MBP: variants seen among roughly 807,000 people sequenced by gnomAD.
MBP encodes the protein myelin basic protein, also known as Golli-MBP.
A neutral mutation model predicts 35.8 loss-of-function variants in MBP; 16 were observed. That is an observed-to-expected ratio of 0.45 (90% CI 0.30 to 0.68). MBP has a LOEUF of 0.68. MBP is among the 30% of genes least tolerant of loss of function. The pLI, the probability that MBP is intolerant of heterozygous loss-of-function variation, is 0.08. For synonymous variants in MBP, 143 were observed against 159.6 expected, an observed-to-expected ratio of 0.90 and a Z score of 0.78; for missense variants, 380 against 404.7, an observed-to-expected ratio of 0.94 and a Z score of 0.52.
chr18:77,077,759 C>G (rs1301456407), intron 2 of MBP, among the ~76,000 whole-genome samples: 3 of 152,224 alleles, frequency 2.0e-5, no homozygotes, highest in Non-Finnish European at 4.4e-5. Flanking sequence ...CGGAACTACT[C>G]ATTAGGGTAA....
intron 1 of MBP, chr18:77,109,190 T>C (rs540721372): frequency 6.6e-6 from 1 of 152,316 alleles, no homozygotes; most frequent in East Asian, 1.9e-4. Context: ...CTATCACACA[T>C]GTTCAGAGAC....
At chr18:77,053,871 C>T (rs1160245724) in intron 3 of MBP, among the ~76,000 whole-genome samples, 1 of 152,248 alleles carries the variant, frequency 6.6e-6, no homozygotes, top group Non-Finnish European at 1.5e-5. Context: ...ATGTCCCTGC[C>T]TTCATGGGGC....
chr18:77,098,078 A>C (rs886340725), intron 2 of MBP, among the ~76,000 whole-genome samples: 1 of 150,918 alleles, frequency 6.6e-6, no homozygotes, highest in Admixed American at 6.6e-5. Flanking sequence ...TGAGCTCTTC[A>C]TACCCATCAC....
At chr18:77,111,932 C>T (rs981181720) in intron 1 of MBP, among the ~76,000 whole-genome samples, 3 of 152,124 alleles carry the variant, frequency 2.0e-5, no homozygotes, top group Admixed American at 6.5e-5. Context: ...ATAAATGAAA[C>T]CAAGTGACGG....
At chr18:76,997,083 A>G (rs1189004848) in intron 4 of MBP, among the ~76,000 whole-genome samples, 1 of 152,128 alleles carries the variant, frequency 6.6e-6, no homozygotes, top group Non-Finnish European at 1.5e-5. Context: ...TTGGGAAAAT[A>G]TAGCCTCTTT....
chr18:77,125,461 C>A (rs1977018149), intron 1 of MBP, among the ~76,000 whole-genome samples: 1 of 152,008 alleles, frequency 6.6e-6, no homozygotes, highest in Non-Finnish European at 1.5e-5. Flanking sequence ...GCAGAGACAG[C>A]CAATTCCCTC....
chr18:77,110,446 C>T (rs1048793250), intron 1 of MBP: 1 of 151,608 alleles, frequency 6.6e-6, no homozygotes, highest in Non-Finnish European at 1.5e-5. Flanking sequence ...GGGCAAAAAC[C>T]TATGACATAT....
chr18:77,038,913 T>C (rs1677055258), intron 3 of MBP, among the ~76,000 whole-genome samples: 1 of 152,224 alleles, frequency 6.6e-6, no homozygotes, highest in South Asian at 2.1e-4. Flanking sequence ...GTATGGAGGT[T>C]TGAATAATCA....
rs566217260 is a variant in MBP at position 77,044,782 on chromosome 18, G to A, written c.139+21516C>T. Among the ~76,000 whole-genome samples, 1 of 152,210 alleles carries A rather than the reference G, an allele frequency of 6.6e-6. No individual in the cohort carries two copies. The highest frequency in any genetic ancestry group is 1.5e-5 in the Non-Finnish European group (1 of 68,012). ...ATGTTCATTTAGAAAAGTTGTATCT[G>A]TTTTCTTTCCAAATAAATTTACTTG... On this transcript the variant is annotated intron_variant, in intron 3 of 8. Transcript: ENST00000355994. The surrounding 1 kb of genome is among the most constrained non-coding windows in gnomAD (Gnocchi z 4.4).
At position 76,996,282 on chromosome 18, in the gene MBP, C is replaced by T. The variant is rs114409726; in HGVS notation, c.577-6222G>A. 7.9e-3 allele frequency among the ~76,000 whole-genome samples: 1,198 copies of T among 152,250 alleles called. 13 individuals carry two copies. The highest frequency in any genetic ancestry group is 0.028 in the African/African-American group (1,155 of 41,530). ...ACCATATGACCCTGTAATTCCATTT[C>T]CTGCTTTAAATACTAAAGGATAAAT... On this transcript the variant is annotated intron_variant, in intron 4 of 8. Transcript: ENST00000355994.
At chr18:76,999,095 A>G (rs1042401018) in intron 4 of MBP, among the ~76,000 whole-genome samples, 1 of 152,000 alleles carries the variant, frequency 6.6e-6, no homozygotes, top group Non-Finnish European at 1.5e-5. Context: ...CTTATGATAA[A>G]CAGGTTACCT....
At chr18:77,118,134 A>G (rs1453840494) in intron 1 of MBP, among the ~76,000 whole-genome samples, 2 of 28,138 alleles carry the variant, frequency 7.1e-5, no homozygotes, top group Admixed American at 3.5e-4. Flanking sequence ...TTGGGGTGGG[A>G]TGGGGGACAG....
In MBP at chr18:76,989,872, G is replaced by A. The variant is rs1333524843; in HGVS notation, c.681+84C>T. Reference sequence around the variant, plus strand: ...ACCCCGGTGCCACCCCCGAGCGTACGAACGTCCTGTGTGGATGACAGCAGT... The same window carrying A: ...ACCCCGGTGCCACCCCCGAGCGTACAAACGTCCTGTGTGGATGACAGCAGT... On this transcript the variant is annotated intron_variant, in intron 5 of 8. Coordinates refer to ENST00000355994, the MANE Select transcript of MBP (RefSeq NM_001025101.2). The surrounding 1 kb of genome is among the most constrained non-coding windows in gnomAD (Gnocchi z 4.0). The A allele has an allele frequency of 8.9e-6, 11 of 1,239,300 alleles. No homozygotes were observed. Among genetic ancestry groups the A allele is most frequent in the East Asian group, 7.0e-5 (3 of 42,774 alleles). The allele number at this position is 1,239,300 out of a possible 1,614,324, so 76.8% of individuals were successfully genotyped here.
intron 3 of MBP, among the ~76,000 whole-genome samples, chr18:77,055,985 T>G (rs1200901152): frequency 1.3e-5 from 2 of 152,238 alleles, no homozygotes; most frequent in African/African-American, 4.8e-5. Flanking sequence ...CCGACTCCTC[T>G]TACACATCCC....
At chr18:77,048,307 A>G (rs2144675725) in intron 3 of MBP, among the ~76,000 whole-genome samples, 1 of 152,350 alleles carries the variant, frequency 6.6e-6, no homozygotes, top group South Asian at 2.1e-4. Flanking sequence ...GGCCATTGTC[A>G]TAGGAAACTG....
At chr18:77,019,168 T>C (rs1004694529) in intron 3 of MBP, among the ~76,000 whole-genome samples, 1 of 152,256 alleles carries the variant, frequency 6.6e-6, no homozygotes. Flanking sequence ...CTTGTCCTCG[T>C]GAAACCTACA....
chr18:76,990,125 G>A, intron 4 of MBP, 65 bp from the exon 5 acceptor site: 1 of 1,050,116 alleles, frequency 9.5e-7, no homozygotes, highest in Non-Finnish European at 1.4e-6. Flanking sequence ...TCCTCCTCAG[G>A]GAAGCTGGAT....
intron 1 of MBP, among the ~76,000 whole-genome samples, chr18:77,111,345 G>A (rs1444212010): frequency 1.3e-5 from 2 of 152,214 alleles, no homozygotes; most frequent in Non-Finnish European, 2.9e-5. Context: ...TCAACTGTGT[G>A]CAAAATAATA....
intron 7 of MBP, chr18:76,987,141 C>A: frequency 1.0e-6 from 1 of 985,466 alleles, no homozygotes; most frequent in Non-Finnish European, 1.2e-6. Context: ...TGTGTGCAAC[C>A]CCCCATCGCT....
Sources: gnomAD v4.1 joint callset for allele counts (sites outside exome capture counted in the v4.1 genomes callset) on GRCh38, gnomAD v4.1.1 for gene constraint, Gnocchi (gnomAD v3.1) non-coding constraint, MANE v1.5 for transcripts, NCBI Gene and HGNC (gene_info 2026-07-23, HGNC 2026-07-21) for gene names.